The following MGAT4D variants were observed in gnomAD, a reference collection of about 807,000 sequenced individuals.
The protein encoded by MGAT4D is MGAT4 family member D, also known as alpha-1,3-mannosyl-glycoprotein 4-beta-N-acetylglucosaminyltransferase-like protein MGAT4D.
Under a neutral mutation model 15.9 loss-of-function variants are expected in MGAT4D, and 34 were observed. The observed-to-expected ratio is 2.14, with a 90% CI of 1.62 to 2.84. The LOEUF (loss-of-function observed/expected upper bound fraction) is 2.84. Ranked by LOEUF, MGAT4D falls within the 30% of genes most tolerant of loss-of-function variation. The pLI is 0.00. For missense variants in MGAT4D, 327 were observed against 140.2 expected (o/e 2.33, Z -6.73); for synonymous variants, 112 against 48.2 (o/e 2.33, Z -5.49).
At position 140,459,562 on chromosome 4, in the gene MGAT4D, A is replaced by G; in HGVS notation, c.827T>C (p.Ile276Thr). Residue 276 changes from isoleucine (I) to threonine (T), a missense_variant, in exon 8 of 11, where the codon ATC becomes ACC. Ile to Thr is a moderately conservative substitution (Grantham distance 89, BLOSUM62 -1). Transcript: ENST00000511113. ...FTKITDFVGN[I>T]SSNNWFFIEF... ...AATAAAAAACCAATTATTTGAACTG[A>G]TATTACCTACAAAATCTGTTATTTT... 1 of 535,720 alleles carries G rather than the reference A, an allele frequency of 1.9e-6. No homozygotes were observed. Among genetic ancestry groups the G allele is most frequent in the South Asian group, 2.6e-5 (1 of 37,898 alleles). The allele number at this position is 535,720 out of a possible 1,614,324, so 33.2% of individuals were successfully genotyped here.
At chr4:140,496,567 G>T (rs1296197942) in intron 1 of MGAT4D, among the ~76,000 whole-genome samples, 2 of 152,202 alleles carry the variant, frequency 1.3e-5, no homozygotes, top group Admixed American at 6.5e-5. Context: ...ACTAGGCTGG[G>T]TGTGGTGGCT....
chr4:140,482,207 T>C, intron 2 of MGAT4D, 120 bp downstream of exon 2: 1 of 475,352 alleles, frequency 2.1e-6, no homozygotes, highest in Non-Finnish European at 3.7e-6. Context: ...TTTGCACGTC[T>C]CACAATAAAA....
chr4:140,468,499 T>C (rs1731696320), intron 5 of MGAT4D, among the ~76,000 whole-genome samples: 1 of 152,206 alleles, frequency 6.6e-6, no homozygotes, highest in Admixed American at 6.5e-5. Flanking sequence ...TTCTTTTTAA[T>C]TGATTCTGTC....
chr4:140,457,959 T>G (rs1227234084), intron 8 of MGAT4D: 2 of 152,264 alleles, frequency 1.3e-5, no homozygotes, highest in East Asian at 3.9e-4. Flanking sequence ...GAAAAACAGA[T>G]GGATCTCACT....
chr4:140,453,621 G>A (rs1047177217), intron 9 of MGAT4D, among the ~76,000 whole-genome samples: 11 of 152,032 alleles, frequency 7.2e-5, no homozygotes, highest in Admixed American at 3.3e-4. Flanking sequence ...GTTGGTGAGA[G>A]GTGATTGGAT....
intron 1 of MGAT4D, among the ~76,000 whole-genome samples, chr4:140,487,910 G>A (rs4956449): frequency 0.16 from 24,497 of 152,154 alleles, 2,324 homozygotes; most frequent in East Asian, 0.41. Context: ...TAGAAATGCA[G>A]TATCTCAGGC....
intron 3 of MGAT4D, among the ~76,000 whole-genome samples, chr4:140,476,840 C>T (rs945474874): frequency 2.0e-5 from 3 of 152,132 alleles, no homozygotes; most frequent in Non-Finnish European, 4.4e-5. Context: ...GCTATGAATT[C>T]TTACCTTATC....
intron 10 of MGAT4D, among the ~76,000 whole-genome samples, chr4:140,447,927 T>C (rs1037175473): frequency 1.3e-5 from 2 of 152,190 alleles, no homozygotes; most frequent in Non-Finnish European, 2.9e-5. Context: ...AGCATTTGCT[T>C]GTCTGAAAAG....
chr4:140,449,575 C>T (rs1018713017), intron 10 of MGAT4D, among the ~76,000 whole-genome samples: 5 of 152,168 alleles, frequency 3.3e-5, no homozygotes, highest in South Asian at 4.1e-4. Context: ...CTGGCTAACA[C>T]GGTGAAACCC....
chr4:140,480,568 A>G (rs912624084), intron 2 of MGAT4D, among the ~76,000 whole-genome samples: 1 of 152,046 alleles, frequency 6.6e-6, no homozygotes, highest in African/African-American at 2.4e-5. Context: ...ACCAACTGAA[A>G]GAAAGTATTT....
At chr4:140,458,127 C>T (rs1314553940) in intron 8 of MGAT4D, 1 of 152,172 alleles carries the variant, frequency 6.6e-6, no homozygotes, top group African/African-American at 2.4e-5. Context: ...ATTGGCAGTA[C>T]TTAGAGCTAT....
intron 1 of MGAT4D, among the ~76,000 whole-genome samples, chr4:140,493,129 TA>T (rs1028286885): frequency 6.6e-6 from 1 of 152,116 alleles, no homozygotes; most frequent in African/African-American, 2.4e-5. Flanking sequence ...AATACATAGG[TA>T]AGTTCCGCAA....
At position 140,487,322 on chromosome 4, in the gene MGAT4D, G is replaced by T. The variant is rs553121626; in HGVS notation, c.95-4837C>A. Among the ~76,000 whole-genome samples, 6 of 152,332 alleles carry T rather than the reference G, an allele frequency of 3.9e-5. No homozygotes were observed. The East Asian group carries it at 1.2e-3, about 29-fold the overall frequency. On this transcript the variant is annotated intron_variant, in intron 1 of 10. Transcript: ENST00000511113. ...ATTATGAAAACAAACACCAGTTCAA[G>T]TGTGCAATGGGTGAATGTGACTTCT...
chr4:140,472,938 C>T (rs995834975), intron 4 of MGAT4D, among the ~76,000 whole-genome samples: 4 of 151,790 alleles, frequency 2.6e-5, no homozygotes, highest in Non-Finnish European at 4.4e-5. Flanking sequence ...TGTTCTGTTT[C>T]GAGTTTTTTC....
At chr4:140,497,117 C>T (rs1733887347) in intron 1 of MGAT4D, among the ~76,000 whole-genome samples, 1 of 151,978 alleles carries the variant, frequency 6.6e-6, no homozygotes, top group Admixed American at 6.6e-5. Flanking sequence ...AACTGGAGGG[C>T]TAAAACATGA....
At position 140,472,685 on chromosome 4, in the gene MGAT4D, C is replaced by T. The variant is rs190303183; in HGVS notation, c.526-864G>A. Among the ~76,000 whole-genome samples, 70 of 152,206 alleles carry T rather than the reference C, an allele frequency of 4.6e-4. No homozygotes were observed. The East Asian group carries it at 0.013, about 29-fold the overall frequency. ...TAAACACGGCGTCAAAGTCATATTT[C>T]GTAAGCATTTTATATTCCATTTAAA... On this transcript the variant is annotated intron_variant, in intron 4 of 10. Transcript: ENST00000511113.
At chr4:140,454,595 A>T (rs1172650334) in intron 9 of MGAT4D, among the ~76,000 whole-genome samples, 1 of 152,082 alleles carries the variant, frequency 6.6e-6, no homozygotes, top group East Asian at 1.9e-4. Context: ...TTTTCATGTC[A>T]TGATAATGCC....
At chr4:140,483,733 CAA>C (rs1254798626) in intron 1 of MGAT4D, among the ~76,000 whole-genome samples, 1 of 152,088 alleles carries the variant, frequency 6.6e-6, no homozygotes, top group African/African-American at 2.4e-5. Context: ...TGATCTTTGA[CAA>C]AGTTTCCAAG....
At chr4:140,449,212 G>A (rs1284807564) in intron 10 of MGAT4D, among the ~76,000 whole-genome samples, 3 of 151,968 alleles carry the variant, frequency 2.0e-5, no homozygotes, top group African/African-American at 4.8e-5. Context: ...TAACAAATGT[G>A]GAAATATTTT....
Sources: allele counts gnomAD v4.1 joint callset (sites outside exome capture counted in the v4.1 genomes callset), GRCh38; gene constraint gnomAD v4.1.1; transcripts MANE v1.5; gene names NCBI Gene and HGNC (gene_info 2026-07-23, HGNC 2026-07-21).